Variants in VPS8 observed in about 807,000 individuals in gnomAD.
VPS8 encodes VPS8 subunit of CORVET complex, also known as vacuolar protein sorting-associated protein 8 homolog.
A neutral mutation model predicts 216.4 loss-of-function variants in VPS8; 129 were observed. That is an observed-to-expected ratio of 0.60 (90% confidence interval 0.52 to 0.69). VPS8 has a LOEUF of 0.69. Among genes scored for constraint, VPS8 ranks in the 30% least tolerant of loss-of-function variants. VPS8 has a pLI of 0.00. For synonymous variants in VPS8, 571 were observed against 565.4 expected, an observed-to-expected ratio of 1.01 and a Z score of -0.14; for missense variants, 1,531 against 1,683.5, an observed-to-expected ratio of 0.91 and a Z score of 1.59.
intron 16 of VPS8, among the ~76,000 whole-genome samples, chr3:184,865,918 G>C (rs2042086001): frequency 1.3e-5 from 2 of 151,842 alleles, no homozygotes; most frequent in African/African-American, 4.8e-5. Context: ...AACCCAGGAG[G>C]CAGAGGTTGC....
In VPS8 at chr3:184,870,637, T is replaced by C. The variant is rs9827284; in HGVS notation, c.1645-79T>C. Reference sequence around the variant, plus strand: ...TTTAATAACAAATTCTAATTATGTATTATTTAGGAGAGCCACATACATATT... The same window carrying C: ...TTTAATAACAAATTCTAATTATGTACTATTTAGGAGAGCCACATACATATT... On this transcript the variant is annotated intron_variant, in intron 20 of 47. Transcript: ENST00000625842. 4,637 of 1,023,056 alleles carry C rather than the reference T, an allele frequency of 4.5e-3. 154 individuals carry two copies. In the African/African-American group the frequency reaches 0.068, roughly 15 times the overall value. The allele number at this position is 1,023,056 out of a possible 1,614,324, so 63.4% of individuals were successfully genotyped here.
intron 46 of VPS8, among the ~76,000 whole-genome samples, chr3:185,044,338 C>T (rs1449222231): frequency 6.6e-6 from 1 of 152,118 alleles, no homozygotes; most frequent in Non-Finnish European, 1.5e-5. Context: ...ATCACTGAAT[C>T]CCAGGACCTG....
intron 34 of VPS8, among the ~76,000 whole-genome samples, chr3:184,934,882 T>C (rs932826080): frequency 2.6e-5 from 4 of 152,234 alleles, no homozygotes; most frequent in Non-Finnish European, 2.9e-5. Flanking sequence ...AGAATTTTTC[T>C]TTTTTCTATT....
In VPS8 at chr3:184,882,921, A is replaced by G. The variant is rs540678140; in HGVS notation, c.1735-3189A>G. On this transcript the variant is annotated intron_variant, in intron 21 of 47. Coordinates refer to ENST00000625842, the MANE Select transcript of VPS8 (RefSeq NM_001009921.3). Reference sequence around the variant, plus strand: ...AATGATATCCTCTGCTTCATTCCTGATGTTTTCTCTTATTCTTTGTCAGTC... The same window carrying G: ...AATGATATCCTCTGCTTCATTCCTGGTGTTTTCTCTTATTCTTTGTCAGTC... Among the ~76,000 whole-genome samples the G allele has an allele frequency of 1.3e-4, 20 of 152,172 alleles. 1 individual carries two copies. In the South Asian group the frequency reaches 3.9e-3, roughly 30 times the overall value.
intron 45 of VPS8, among the ~76,000 whole-genome samples, chr3:185,020,935 G>C (rs1374698764): frequency 6.6e-6 from 1 of 152,166 alleles, no homozygotes; most frequent in Non-Finnish European, 1.5e-5. Context: ...AGCCGGGCAT[G>C]GTGGGGTGCA....
Position 185,052,214 on chromosome 3 carries a change from C to A in VPS8, c.*189C>A. The A allele has an allele frequency of 3.6e-6, 2 of 551,456 alleles. No homozygotes were observed. Among genetic ancestry groups the A allele is most frequent in the Non-Finnish European group, 6.1e-6 (2 of 327,734 alleles). 34.2% of individuals were successfully genotyped at this position (551,456 alleles called of 1,614,324 possible). A position where few individuals can be genotyped will look rare whatever the true frequency, so the allele number is the denominator to read the frequency against. ...TAGACTCCCAGTCTTCTCCACATTG[C>A]TGTCATGGCGTCAGTTCACCAGACT... is the stretch of plus-strand genomic sequence containing the variant. On this transcript the variant is annotated 3_prime_UTR_variant, in exon 48 of 48. Coordinates refer to ENST00000625842, the MANE Select transcript of VPS8 (RefSeq NM_001009921.3).
intron 46 of VPS8, among the ~76,000 whole-genome samples, chr3:185,030,052 A>G (rs968352724): frequency 3.3e-5 from 5 of 152,188 alleles, no homozygotes; most frequent in African/African-American, 9.7e-5. Flanking sequence ...GGACCTTTAC[A>G]GTGTTTGATC....
At chr3:184,988,158 T>C (rs1439096905) in intron 42 of VPS8, among the ~76,000 whole-genome samples, 1 of 152,238 alleles carries the variant, frequency 6.6e-6, no homozygotes, top group Non-Finnish European at 1.5e-5. Context: ...AGCAGAAGTG[T>C]TTGCTTTTAA....
chr3:184,858,813 T>C (rs1334990979), intron 14 of VPS8, among the ~76,000 whole-genome samples: 1 of 152,192 alleles, frequency 6.6e-6, no homozygotes, highest in African/African-American at 2.4e-5. Context: ...TCTTGCCTGG[T>C]CTGCATTTGC....
intron 46 of VPS8, among the ~76,000 whole-genome samples, chr3:185,031,081 T>TG (rs1758090759): frequency 6.7e-6 from 1 of 148,812 alleles, no homozygotes; most frequent in Non-Finnish European, 1.5e-5. Flanking sequence ...TTTTTTTTTT[T>TG]TTTTTTTTTT....
At chr3:185,036,146 A>G (rs1280006545) in intron 46 of VPS8, among the ~76,000 whole-genome samples, 1 of 152,216 alleles carries the variant, frequency 6.6e-6, no homozygotes, top group Non-Finnish European at 1.5e-5. Flanking sequence ...GTCCATGCTC[A>G]TGGATTGGAA....
intron 37 of VPS8, among the ~76,000 whole-genome samples, chr3:184,963,310 T>C (rs1746849601): frequency 6.6e-6 from 1 of 152,150 alleles, no homozygotes; most frequent in African/African-American, 2.4e-5. Context: ...GATTCTTCTC[T>C]TTCAGGAAAA....
intron 46 of VPS8, among the ~76,000 whole-genome samples, chr3:185,034,938 T>C (rs191447923): frequency 5.3e-5 from 8 of 152,104 alleles, no homozygotes; most frequent in Admixed American, 2.6e-4. Context: ...CCCACAGAAA[T>C]AGAAAAGACT....
At chr3:184,941,653 C>T (rs899492458) in intron 36 of VPS8, among the ~76,000 whole-genome samples, 1 of 152,032 alleles carries the variant, frequency 6.6e-6, no homozygotes. Context: ...CCCCACTTCT[C>T]AGCCCTTTCT....
intron 1 of VPS8, among the ~76,000 whole-genome samples, chr3:184,823,498 A>G (rs1467414331): frequency 2.6e-5 from 4 of 152,216 alleles, no homozygotes; most frequent in Admixed American, 6.5e-5. Flanking sequence ...TATACACGCT[A>G]AAGGCAGTAT....
intron 42 of VPS8, 69 bp downstream of exon 42, chr3:184,983,163 G>A (rs1237722723): frequency 1.5e-6 from 2 of 1,309,722 alleles, no homozygotes; most frequent in African/African-American, 1.5e-5. Flanking sequence ...AAATAACAGT[G>A]AATTGGGCTA....
At chr3:184,985,881 A>T (rs2109787896) in intron 42 of VPS8, among the ~76,000 whole-genome samples, 1 of 152,330 alleles carries the variant, frequency 6.6e-6, no homozygotes, top group South Asian at 2.1e-4. Flanking sequence ...GAAGAGACAC[A>T]CAAATGGATA....
intron 22 of VPS8, among the ~76,000 whole-genome samples, chr3:184,888,524 A>G (rs1375526685): frequency 6.6e-6 from 1 of 151,966 alleles, no homozygotes; most frequent in Non-Finnish European, 1.5e-5. Flanking sequence ...TCACTTTCAC[A>G]CTCAATTCCT....
chr3:185,023,814 TCTGTATTTCAGCTCTTCAAATATTTA>T (rs1179892220), intron 45 of VPS8, among the ~76,000 whole-genome samples: 1 of 152,222 alleles, frequency 6.6e-6, no homozygotes, highest in Non-Finnish European at 1.5e-5. Context: ...ATCTAAAATC[TCTGTATTTCAGCTCTTCAAATATTTA>T]AATATATTTC....
Sources: allele counts gnomAD v4.1 joint callset (sites outside exome capture counted in the v4.1 genomes callset), GRCh38; gene constraint gnomAD v4.1.1; transcripts MANE v1.5; gene names NCBI Gene and HGNC (gene_info 2026-07-23, HGNC 2026-07-21).